The following NMNAT2 variants were observed in gnomAD, a reference collection of about 807,000 sequenced individuals.
NMNAT2 encodes nicotinamide nucleotide adenylyltransferase 2.
In NMNAT2, 11 loss-of-function variants were observed where a neutral mutation model predicts 41.6. That is an observed-to-expected ratio of 0.26 (90% CI 0.17 to 0.44). NMNAT2 has a LOEUF of 0.44. Among genes scored for constraint, NMNAT2 ranks in the 20% least tolerant of loss-of-function variants. The pLI is 1.00. For missense variants in NMNAT2, 288 were observed against 407.7 expected, an observed-to-expected ratio of 0.71 and a Z score of 2.53; for synonymous variants, 148 against 151.2, an observed-to-expected ratio of 0.98 and a Z score of 0.16.
chr1:183,395,852 T>C (rs1444061386), intron 1 of NMNAT2, among the ~76,000 whole-genome samples: 2 of 152,212 alleles, frequency 1.3e-5, no homozygotes, highest in South Asian at 4.1e-4. Flanking sequence ...TATCTGTCTA[T>C]TCTGATCCTG....
chr1:183,314,022 G>C (rs564800419), intron 1 of NMNAT2, among the ~76,000 whole-genome samples: 2 of 152,258 alleles, frequency 1.3e-5, no homozygotes, highest in South Asian at 2.1e-4. Context: ...ATGTTTATGA[G>C]ACAGGCTCTG....
At chr1:183,388,383 A>C (rs1648323446) in intron 1 of NMNAT2, among the ~76,000 whole-genome samples, 1 of 152,220 alleles carries the variant, frequency 6.6e-6, no homozygotes, top group Non-Finnish European at 1.5e-5. Context: ...CTCTGGGCCA[A>C]TTTCAGGGTC....
chr1:183,380,385 A>G (rs1663779409), intron 1 of NMNAT2, among the ~76,000 whole-genome samples: 1 of 152,018 alleles, frequency 6.6e-6, no homozygotes, highest in Non-Finnish European at 1.5e-5. Flanking sequence ...AACCAATTTT[A>G]TTGAGGCATG....
intron 1 of NMNAT2, chr1:183,304,788 T>C (rs1661958690): frequency 1.2e-6 from 2 of 1,612,588 alleles, no homozygotes; most frequent in East Asian, 4.5e-5. Flanking sequence ...GTGCTGGCCA[T>C]CAGAGAGTAA....
chr1:183,418,315 G>C lies in NMNAT2; in HGVS notation c.-48C>G. 1 of 1,538,088 alleles carries C rather than the reference G, an allele frequency of 6.5e-7. No individual in the cohort carries two copies. Among genetic ancestry groups the C allele is most frequent in the Non-Finnish European group, 9.0e-7 (1 of 1,111,206 alleles). The stretch of plus-strand genomic sequence containing the variant: ...TGGTCTAGGGGTTGCCTCTCTTTTT[G>C]TGTCTCGTTGTGTCTGCAGAGGGAG... On this transcript the variant is annotated 5_prime_UTR_variant, in exon 1 of 11. Coordinates refer to ENST00000287713, the MANE Select transcript of NMNAT2 (RefSeq NM_015039.4).
At chr1:183,411,712 C>G (rs932077989) in intron 1 of NMNAT2, among the ~76,000 whole-genome samples, 3 of 152,126 alleles carry the variant, frequency 2.0e-5, no homozygotes, top group African/African-American at 7.2e-5. Context: ...GGAGCTCTAG[C>G]TGGGGAGACA....
At chr1:183,408,871 T>C (rs577350565) in intron 1 of NMNAT2, among the ~76,000 whole-genome samples, 2 of 152,328 alleles carry the variant, frequency 1.3e-5, no homozygotes, top group Middle Eastern at 3.4e-3. Context: ...TGTCTCTTTT[T>C]TTAAAAAAAG....
intron 8 of NMNAT2, among the ~76,000 whole-genome samples, chr1:183,263,493 C>T (rs913241824): frequency 2.6e-5 from 4 of 152,164 alleles, no homozygotes; most frequent in East Asian, 1.9e-4. Flanking sequence ...TTAAACATTT[C>T]CAAAGCCCCG....
At chr1:183,329,880 G>A (rs796287587) in intron 1 of NMNAT2, among the ~76,000 whole-genome samples, 6 of 152,282 alleles carry the variant, frequency 3.9e-5, no homozygotes, top group African/African-American at 1.4e-4. Flanking sequence ...AAACTTAAAT[G>A]CATTGCATAG....
At chr1:183,392,994 G>T (rs1648525902) in intron 1 of NMNAT2, among the ~76,000 whole-genome samples, 1 of 152,004 alleles carries the variant, frequency 6.6e-6, no homozygotes, top group African/African-American at 2.4e-5. Context: ...AAACACATAA[G>T]GGCAAGGATT....
intron 1 of NMNAT2, among the ~76,000 whole-genome samples, chr1:183,318,875 TTTG>T (rs1334318857): frequency 2.6e-5 from 4 of 152,204 alleles, no homozygotes; most frequent in Non-Finnish European, 5.9e-5. Flanking sequence ...ACATCATTAT[TTTG>T]TTGTTATTAT....
At chr1:183,273,820 C>T (rs1661048487) in intron 8 of NMNAT2, among the ~76,000 whole-genome samples, 1 of 130,218 alleles carries the variant, frequency 7.7e-6, no homozygotes, top group Non-Finnish European at 1.6e-5. Context: ...TCTTTCCTTT[C>T]TTTTCCCTCC....
chr1:183,275,771 C>T (rs2102294661), intron 8 of NMNAT2, among the ~76,000 whole-genome samples: 1 of 152,236 alleles, frequency 6.6e-6, no homozygotes, highest in South Asian at 2.1e-4. Context: ...CTCCCAGGTT[C>T]AAGCAATTCT....
intron 1 of NMNAT2, among the ~76,000 whole-genome samples, chr1:183,396,254 G>A (rs2101924029): frequency 6.6e-6 from 1 of 152,284 alleles, no homozygotes; most frequent in South Asian, 2.1e-4. Flanking sequence ...GAGCAGGGCA[G>A]GAGAGGTCTC....
intron 1 of NMNAT2, among the ~76,000 whole-genome samples, chr1:183,323,220 C>T (rs1662389242): frequency 6.6e-6 from 1 of 152,234 alleles, no homozygotes; most frequent in South Asian, 2.1e-4. Context: ...GCGTGAGCCA[C>T]CGCACCTGGC....
At chr1:183,264,837 T>C (rs1012047331) in intron 8 of NMNAT2, among the ~76,000 whole-genome samples, 7 of 152,058 alleles carry the variant, frequency 4.6e-5, no homozygotes, top group African/African-American at 1.7e-4. Context: ...CTCAGGACAC[T>C]ACCCTCTCCT....
chr1:183,273,512 C>T (rs1293831432), intron 8 of NMNAT2, among the ~76,000 whole-genome samples: 1 of 152,158 alleles, frequency 6.6e-6, no homozygotes, highest in Non-Finnish European at 1.5e-5. Flanking sequence ...AACTGAAATT[C>T]CTAAAATGGG....
chr1:183,277,094 A>T (rs1661141443), intron 8 of NMNAT2, among the ~76,000 whole-genome samples: 1 of 152,166 alleles, frequency 6.6e-6, no homozygotes, highest in Admixed American at 6.5e-5. Context: ...GGGGCTAGGC[A>T]CTTTCAAAAC....
In NMNAT2 at chr1:183,317,635, C is replaced by T. The variant is rs117264231; in HGVS notation, c.86-23842G>A. 1.4e-4 allele frequency among the ~76,000 whole-genome samples: 21 copies of T among 152,310 alleles called. No homozygotes were observed. The East Asian group carries it at 3.9e-3, about 28-fold the overall frequency. ...CTCATCACCTACAATCAAGTCACCTCTTGCCAGTCTTTGGAAGCCGAGAAG... is the reference window on the plus strand; with the variant it reads ...CTCATCACCTACAATCAAGTCACCTTTTGCCAGTCTTTGGAAGCCGAGAAG... On this transcript the variant is annotated intron_variant, in intron 1 of 10. Transcript: ENST00000287713.
Sources: allele counts gnomAD v4.1 joint callset (sites outside exome capture counted in the v4.1 genomes callset), GRCh38; gene constraint gnomAD v4.1.1; transcripts MANE v1.5; gene names NCBI Gene and HGNC (gene_info 2026-07-23, HGNC 2026-07-21).